Variants in ACP3 observed in about 807,000 individuals in gnomAD.
ACP3 encodes acid phosphatase 3, also known as prostatic acid phosphatase.
Under a neutral mutation model 45.6 loss-of-function variants are expected in ACP3, and 38 were observed. The observed-to-expected ratio is 0.83, with a 90% CI of 0.64 to 1.09. The LOEUF is 1.09. Ranked by LOEUF, ACP3 falls within the 50% of genes least tolerant of loss-of-function variation. ACP3 has a pLI of 0.00. For missense variants in ACP3, 466 were observed against 463.2 expected (o/e 1.01, Z -0.05); for synonymous variants, 162 against 164.7 (o/e 0.98, Z 0.13).
chr3:132,356,236 G>A (rs13075940), intron 9 of ACP3, among the ~76,000 whole-genome samples: 9,030 of 152,048 alleles, frequency 0.059, 849 homozygotes, highest in East Asian at 0.49. Context: ...TTAAGGAGAG[G>A]GGAGATACAT....
chr3:132,344,778 C>T (rs1034242748), intron 6 of ACP3, 149 bp from the exon 7 acceptor site: 8 of 840,470 alleles, frequency 9.5e-6, no homozygotes, highest in Non-Finnish European at 1.4e-5. Context: ...AATACCACTA[C>T]TTATCACAAT....
chr3:132,345,752 A>G (rs1006241922), intron 7 of ACP3, among the ~76,000 whole-genome samples: 4 of 152,212 alleles, frequency 2.6e-5, no homozygotes, highest in African/African-American at 9.6e-5. Flanking sequence ...ATGAAGGCAG[A>G]CCCAGGCAAG....
At chr3:132,333,381 G>A (rs1385466550) in intron 4 of ACP3, 1 of 152,646 alleles carries the variant, frequency 6.6e-6, no homozygotes, top group African/African-American at 2.4e-5. Flanking sequence ...TTGGGACAAA[G>A]AATCCCTTCC....
chr3:132,343,328 G>A lies in ACP3; in HGVS notation c.648+684G>A, dbSNP rs183982733. 7.9e-5 allele frequency among the ~76,000 whole-genome samples: 12 copies of A among 152,196 alleles called. No homozygotes were observed. In the East Asian group the frequency reaches 2.3e-3, roughly 29 times the overall value. On this transcript the variant is annotated intron_variant, in intron 6 of 9. Transcript: ENST00000336375. Reference sequence around the variant, plus strand: ...TTGAGGTCATCGTGAGAGTCTGGGGGGCAGCAATTACTTCCGTAGTTCTAT... The same window carrying A: ...TTGAGGTCATCGTGAGAGTCTGGGGAGCAGCAATTACTTCCGTAGTTCTAT...
intron 10 of ACP3, chr3:132,367,620 A>G: frequency 2.8e-6 from 3 of 1,081,796 alleles, no homozygotes; most frequent in Non-Finnish European, 4.2e-6. Context: ...TTTGCAATTA[A>G]GGCAGAAAGC....
intron 2 of ACP3, among the ~76,000 whole-genome samples, chr3:132,328,587 G>A (rs1424116631): frequency 6.7e-6 from 1 of 150,042 alleles, no homozygotes; most frequent in African/African-American, 2.4e-5. Flanking sequence ...TCTGAGGTAG[G>A]AGAATCGCTT....
chr3:132,366,286 T>TG (rs1455114432), intron 10 of ACP3, among the ~76,000 whole-genome samples: 1 of 138,130 alleles, frequency 7.2e-6, no homozygotes, highest in Non-Finnish European at 1.5e-5. Flanking sequence ...GGTGACAGAG[T>TG]GAAACTCTGT....
chr3:132,328,174 C>T, intron 1 of ACP3, 93 bp from the exon 2 acceptor site: 1 of 939,332 alleles, frequency 1.1e-6, no homozygotes. Flanking sequence ...AAAGTTAAAA[C>T]CAATGAGTTA....
chr3:132,361,986 CA>C (rs2107823240), downstream of ACP3, among the ~76,000 whole-genome samples: 1 of 152,320 alleles, frequency 6.6e-6, no homozygotes, highest in African/African-American at 2.4e-5. Context: ...AAAACACCAT[CA>C]AGTGCTTATT....
At chr3:132,355,168 G>A (rs1399300396) in intron 9 of ACP3, among the ~76,000 whole-genome samples, 1 of 152,214 alleles carries the variant, frequency 6.6e-6, no homozygotes, top group Non-Finnish European at 1.5e-5. Flanking sequence ...AAAGGGTGGA[G>A]GCAGCAACCC....
At chr3:132,367,684 C>G (rs200316108) in intron 10 of ACP3, 82 of 1,540,722 alleles carry the variant, frequency 5.3e-5, no homozygotes, top group Non-Finnish European at 6.6e-5. Flanking sequence ...TACATTAATA[C>G]TTTTCCTATT....
chr3:132,364,931 C>T (rs1414477993), intron 10 of ACP3, among the ~76,000 whole-genome samples: 1 of 152,220 alleles, frequency 6.6e-6, no homozygotes, highest in Non-Finnish European at 1.5e-5. Context: ...TCCTTTCTTT[C>T]CCTCTTCAAT....
At chr3:132,343,722 C>G (rs1471014809) in intron 6 of ACP3, among the ~76,000 whole-genome samples, 4 of 152,208 alleles carry the variant, frequency 2.6e-5, no homozygotes, top group Admixed American at 2.0e-4. Context: ...TCAACTCTTC[C>G]TAACGGGTAA....
At chr3:132,348,865 G>A (rs1937652868) in intron 7 of ACP3, among the ~76,000 whole-genome samples, 1 of 152,116 alleles carries the variant, frequency 6.6e-6, no homozygotes, top group Non-Finnish European at 1.5e-5. Context: ...AGTTTTTGGA[G>A]GGCAGGGACC....
At chr3:132,337,064 GT>G (rs776792364) in intron 4 of ACP3, among the ~76,000 whole-genome samples, 58 of 54,756 alleles carry the variant, frequency 1.1e-3, no homozygotes, top group South Asian at 1.7e-3. Flanking sequence ...ATGCGTTGGG[GT>G]GTGTGTGTGT....
chr3:132,319,449 T>A (rs1407568337), intron 1 of ACP3, among the ~76,000 whole-genome samples: 1 of 152,218 alleles, frequency 6.6e-6, no homozygotes, highest in Admixed American at 6.5e-5. Flanking sequence ...TCAATATGAA[T>A]TGTATCACAT....
At chr3:132,334,351 C>T (rs1937454880) in intron 4 of ACP3, among the ~76,000 whole-genome samples, 1 of 152,156 alleles carries the variant, frequency 6.6e-6, no homozygotes, top group South Asian at 2.1e-4. Flanking sequence ...CTAATGAAAC[C>T]AATCAACACT....
chr3:132,342,436 A>C, intron 5 of ACP3, 116 bp from the exon 6 acceptor site: 1 of 664,464 alleles, frequency 1.5e-6, no homozygotes, highest in Non-Finnish European at 2.6e-6. Context: ...ACTGTGAAAC[A>C]TCCTATAATG....
chr3:132,346,680 C>T (rs959632372), intron 7 of ACP3, among the ~76,000 whole-genome samples: 14 of 152,196 alleles, frequency 9.2e-5, no homozygotes, highest in African/African-American at 3.1e-4. Flanking sequence ...AGCACTCAGC[C>T]TCATTTCTGG....
Sources: allele counts gnomAD v4.1 joint callset (sites outside exome capture counted in the v4.1 genomes callset), GRCh38; gene constraint gnomAD v4.1.1; transcripts MANE v1.5; gene names NCBI Gene and HGNC (gene_info 2026-07-23, HGNC 2026-07-21).